UMODL1: variants seen among roughly 807,000 people sequenced by gnomAD.
The protein encoded by UMODL1 is uromodulin-like 1.
In UMODL1, 128 loss-of-function variants were observed where a neutral mutation model predicts 136.3. The ratio of observed to expected loss-of-function variants is 0.94; its 90% CI spans 0.81 to 1.09. UMODL1 has a LOEUF of 1.09. Among genes scored for constraint, UMODL1 ranks in the 50% least tolerant of loss-of-function variants. The pLI is 0.00. For missense variants in UMODL1, 1,766 were observed against 1,725.6 expected, an observed-to-expected ratio of 1.02 and a Z score of -0.41; for synonymous variants, 721 against 720.0, an observed-to-expected ratio of 1.00 and a Z score of -0.02.
chr21:42,096,422 A>G (rs7281595), intron 6 of UMODL1, among the ~76,000 whole-genome samples: 9,885 of 152,220 alleles, frequency 0.065, 498 homozygotes, highest in African/African-American at 0.14. Flanking sequence ...ATCTTAATTT[A>G]AAGAGTAAAT....
chr21:42,137,408 A>G, intron 21 of UMODL1, 31 bp from the exon 22 acceptor site: 1 of 1,612,074 alleles, frequency 6.2e-7, no homozygotes, highest in Non-Finnish European at 8.5e-7. Flanking sequence ...GTTTGTGCAG[A>G]TCTCTCACCT....
intron 3 of UMODL1, 34 bp downstream of exon 3, chr21:42,084,279 A>G (rs2066399592): frequency 6.2e-7 from 1 of 1,602,198 alleles, no homozygotes; most frequent in Admixed American, 1.7e-5. Context: ...ATGGACAGGC[A>G]GCAAAGGCGG....
intron 2 of UMODL1, among the ~76,000 whole-genome samples, chr21:42,083,463 C>A (rs2066386539): frequency 6.6e-6 from 1 of 152,240 alleles, no homozygotes; most frequent in African/African-American, 2.4e-5. Flanking sequence ...CCACACCCCA[C>A]ACCAGGCCTG....
chr21:42,138,383 A>C (rs2067236992), intron 22 of UMODL1, among the ~76,000 whole-genome samples: 1 of 152,074 alleles, frequency 6.6e-6, no homozygotes, highest in South Asian at 2.1e-4. Context: ...CTTGCTGCTC[A>C]TGCCCGCAGC....
intron 7 of UMODL1, among the ~76,000 whole-genome samples, chr21:42,100,390 G>A (rs541030519): frequency 5.3e-5 from 8 of 152,094 alleles, no homozygotes; most frequent in African/African-American, 1.7e-4. Flanking sequence ...TCTGTGGCTC[G>A]GCCCTACACC....
intron 22 of UMODL1, among the ~76,000 whole-genome samples, chr21:42,139,429 G>A (rs2067249783): frequency 6.6e-6 from 1 of 152,040 alleles, no homozygotes; most frequent in African/African-American, 2.4e-5. Flanking sequence ...CCAAGAGGAT[G>A]GTGCTAAATC....
intron 8 of UMODL1, 44 bp downstream of exon 8, chr21:42,102,322 AG>A: frequency 7.1e-7 from 1 of 1,412,376 alleles, no homozygotes; most frequent in Non-Finnish European, 9.9e-7. Context: ...GGGTGTTCTG[AG>A]TGAGGACATC....
chr21:42,084,815 C>T (rs1490864674), intron 3 of UMODL1, among the ~76,000 whole-genome samples: 2 of 40,066 alleles, frequency 5.0e-5, no homozygotes, highest in East Asian at 1.2e-3. Flanking sequence ...CAATAGTATA[C>T]ATAATATCAG....
At position 42,115,948 on chromosome 21, in the gene UMODL1, A is replaced by G. The variant is rs753070453; in HGVS notation, c.2438A>G (p.Gln813Arg). 2 of 1,614,040 alleles carry G rather than the reference A, an allele frequency of 1.2e-6. No homozygotes were observed. The highest frequency in any genetic ancestry group is 2.2e-5 in the South Asian group (2 of 91,076). Residue 813 changes from glutamine to arginine, a missense_variant, in exon 14 of 23, where the codon CAG (glutamine) becomes CGG (arginine). Gln to Arg is a conservative substitution (Grantham distance 43). Coordinates refer to ENST00000408910, the MANE Select transcript of UMODL1 (RefSeq NM_001004416.3). ...GAATCCTTTCGCAACGCAAGCAGCC[A>G]GGAGTATCGAGATTTCCTAGAACTA... is the stretch of plus-strand genomic sequence containing the variant. ...YSESFRNASS[Q>R]EYRDFLELFF...
chr21:42,116,303 G>A (rs564368306), intron 14 of UMODL1, among the ~76,000 whole-genome samples: 4 of 151,568 alleles, frequency 2.6e-5, no homozygotes, highest in Admixed American at 6.6e-5. Context: ...GCAGTAAGCC[G>A]AGATCGTGCC....
rs1258434506 is a variant in UMODL1 at position 42,098,912 on chromosome 21, C to T, written c.932-14C>T. On this transcript the variant is annotated splice_polypyrimidine_tract_variant and intron_variant, in intron 6 of 22. Coordinates refer to ENST00000408910, the MANE Select transcript of UMODL1 (RefSeq NM_001004416.3). Reference sequence around the variant, plus strand: ...CTGACCCTTTGCTCATCTTCTCTGTCTGTGCTTTCGTAGATTGTCCTCCAG... The same window carrying T: ...CTGACCCTTTGCTCATCTTCTCTGTTTGTGCTTTCGTAGATTGTCCTCCAG... 1.9e-6 allele frequency: 3 copies of T among 1,613,320 alleles called. No individual in the cohort carries two copies. Among genetic ancestry groups the T allele is most frequent in the East Asian group, 4.5e-5 (2 of 44,870 alleles).
Position 42,099,760 on chromosome 21 carries a change from G to A in UMODL1, c.1186+580G>A, listed in dbSNP as rs977327956. ...TAGTGGTATGATCACAGCTCGCTGC[G>A]GCCTCGACCCCCTGGACTCAAGTGA... is the stretch of plus-strand genomic sequence containing the variant. On this transcript the variant is annotated intron_variant, in intron 7 of 22. Transcript: ENST00000408910. The surrounding 1 kb of genome is among the most constrained non-coding windows in gnomAD (Gnocchi z 4.1). 1.3e-5 allele frequency among the ~76,000 whole-genome samples: 2 copies of A among 152,058 alleles called. No homozygotes were observed. Among genetic ancestry groups the A allele is most frequent in the African/African-American group, 2.4e-5 (1 of 41,380 alleles).
At chr21:42,080,108 C>T (rs187062342) in intron 2 of UMODL1, among the ~76,000 whole-genome samples, 9 of 152,268 alleles carry the variant, frequency 5.9e-5, no homozygotes, top group Non-Finnish European at 1.2e-4. Context: ...GATTTACACC[C>T]CGGATTTTGG....
chr21:42,079,724 G>A (rs959157152), intron 2 of UMODL1, among the ~76,000 whole-genome samples: 4 of 152,208 alleles, frequency 2.6e-5, no homozygotes, highest in Admixed American at 2.6e-4. Context: ...CTCTGCATGT[G>A]GGGATCCAGG....
chr21:42,082,717 A>G (rs1328405828), intron 2 of UMODL1, among the ~76,000 whole-genome samples: 3 of 151,914 alleles, frequency 2.0e-5, no homozygotes, highest in African/African-American at 4.8e-5. Context: ...CCCTGGGCCC[A>G]CCTCTGCCGT....
At chr21:42,139,907 A>G (rs1039511574) in intron 22 of UMODL1, among the ~76,000 whole-genome samples, 1 of 152,156 alleles carries the variant, frequency 6.6e-6, no homozygotes, top group Non-Finnish European at 1.5e-5. Context: ...TCCCCCTCAC[A>G]TGGGCAGAAT....
In UMODL1 at chr21:42,085,450, G is replaced by C; in HGVS notation, c.603+38G>C. 1 of 1,612,762 alleles carries C rather than the reference G, an allele frequency of 6.2e-7. No homozygotes were observed. The highest frequency in any genetic ancestry group is 2.2e-5 in the East Asian group (1 of 44,862). ...GACGGGGGCTGCCTGCACCCTCCTT[G>C]TGGCAGCTGCTCAGGCAGACCCAGG... is the stretch of plus-strand genomic sequence containing the variant. On this transcript the variant is annotated intron_variant, in intron 4 of 22. Transcript: ENST00000408910. This position sits in a 1 kb window ranked among gnomAD's most constrained non-coding sequence, Gnocchi z 4.5.
chr21:42,097,373 A>G (rs2146465157), intron 6 of UMODL1, among the ~76,000 whole-genome samples: 1 of 152,266 alleles, frequency 6.6e-6, no homozygotes, highest in East Asian at 1.9e-4. Flanking sequence ...AGGGACCAAG[A>G]TTCAAAGGAG....
chr21:42,063,720 C>T (rs1005419069), intron 1 of UMODL1, among the ~76,000 whole-genome samples: 1 of 152,240 alleles, frequency 6.6e-6, no homozygotes, highest in Non-Finnish European at 1.5e-5. Context: ...CAACTGGCCG[C>T]TTGCTTGTCC....
Sources: gnomAD v4.1 joint callset for allele counts (sites outside exome capture counted in the v4.1 genomes callset) on GRCh38, gnomAD v4.1.1 for gene constraint, Gnocchi (gnomAD v3.1) non-coding constraint, MANE v1.5 for transcripts, NCBI Gene and HGNC (gene_info 2026-07-23, HGNC 2026-07-21) for gene names.